Variants in STPG2 observed in about 807,000 individuals in gnomAD.
STPG2 encodes the protein sperm tail PG-rich repeat containing 2.
Under a neutral mutation model 54.2 loss-of-function variants are expected in STPG2, and 56 were observed. That is an observed-to-expected ratio of 1.03 (90% CI 0.83 to 1.29). STPG2 has a LOEUF of 1.29. Among genes scored for constraint, STPG2 ranks in the 50% most tolerant of loss-of-function variants. The pLI is 0.00. For missense variants in STPG2, 596 were observed against 544.9 expected (o/e 1.09, Z -0.93); for synonymous variants, 200 against 181.8 (o/e 1.10, Z -0.81).
At chr4:97,924,784 T>C (rs966251370) in intron 8 of STPG2, among the ~76,000 whole-genome samples, 1 of 152,222 alleles carries the variant, frequency 6.6e-6, no homozygotes, top group Non-Finnish European at 1.5e-5. Context: ...AGATAAGTCA[T>C]GTTTGCATCA....
At chr4:97,741,092 G>C (rs1725214313) in intron 9 of STPG2, among the ~76,000 whole-genome samples, 1 of 152,106 alleles carries the variant, frequency 6.6e-6, no homozygotes, top group Admixed American at 6.5e-5. Flanking sequence ...TGACAAACCT[G>C]AGAAAAATAT....
chr4:97,500,027 C>T (rs1024669837), intron 4 of STPG2, among the ~76,000 whole-genome samples: 1 of 151,812 alleles, frequency 6.6e-6, no homozygotes, highest in Non-Finnish European at 1.5e-5. Context: ...CTTGATCTAA[C>T]ATATTTTAAT....
intron 4 of STPG2, among the ~76,000 whole-genome samples, chr4:97,533,949 T>C (rs994841149): frequency 1.1e-4 from 16 of 152,044 alleles, no homozygotes; most frequent in African/African-American, 3.9e-4. Flanking sequence ...TTAGGTTATA[T>C]AATAAGTATT....
Position 98,088,902 on chromosome 4 carries a change from C to T in STPG2, c.612+17051G>A, listed in dbSNP as rs533315073. Among the ~76,000 whole-genome samples, 6 of 152,220 alleles carry T rather than the reference C, an allele frequency of 3.9e-5. No homozygotes were observed. The South Asian group carries it at 1.0e-3, about 26-fold the overall frequency. On this transcript the variant is annotated intron_variant, in intron 5 of 10. Transcript: ENST00000295268. ...GCTTTGCTAAAGTAACCAATAATAT[C>T]GAACTTCTGCAAAGTTCATTGGATG...
intron 10 of STPG2, among the ~76,000 whole-genome samples, chr4:97,707,107 C>A (rs1434745511): frequency 6.6e-6 from 1 of 152,006 alleles, no homozygotes; most frequent in Non-Finnish European, 1.5e-5. Flanking sequence ...AAGTAGGAGG[C>A]AAGACAGTTC....
chr4:97,801,948 T>C (rs754090156), intron 9 of STPG2, among the ~76,000 whole-genome samples: 6 of 152,180 alleles, frequency 3.9e-5, no homozygotes, highest in African/African-American at 1.4e-4. Flanking sequence ...TAAGCTTTAG[T>C]TCAGTGTTTC....
intron 4 of STPG2, among the ~76,000 whole-genome samples, chr4:97,496,740 G>A (rs892363043): frequency 1.3e-5 from 2 of 151,738 alleles, no homozygotes; most frequent in African/African-American, 4.8e-5. Context: ...CCGGCAGTGT[G>A]TGAATCATTT....
At chr4:97,735,624 T>A (rs1008147248) in intron 9 of STPG2, among the ~76,000 whole-genome samples, 1 of 148,996 alleles carries the variant, frequency 6.7e-6, no homozygotes, top group African/African-American at 2.4e-5. Context: ...TATATTCATA[T>A]ATATATACAC....
intron 7 of STPG2, among the ~76,000 whole-genome samples, chr4:97,968,822 T>A (rs902048377): frequency 2.0e-5 from 3 of 152,232 alleles, no homozygotes; most frequent in Admixed American, 1.3e-4. Context: ...CAAAATTGCA[T>A]GCAGGATTGT....
intron 9 of STPG2, among the ~76,000 whole-genome samples, chr4:97,743,925 A>G (rs995185999): frequency 2.0e-5 from 3 of 151,618 alleles, no homozygotes; most frequent in African/African-American, 7.2e-5. Flanking sequence ...AAGTTCTTAC[A>G]TAGCAAAGCA....
intron 8 of STPG2, 44 bp downstream of exon 8, chr4:97,943,853 G>C (rs1733095157): frequency 7.1e-7 from 1 of 1,401,352 alleles, no homozygotes; most frequent in Admixed American, 2.5e-5. Context: ...CCTCCTCCAT[G>C]ATTTCTAGAT....
intron 4 of STPG2, among the ~76,000 whole-genome samples, chr4:97,445,749 A>T (rs1729205766): frequency 6.6e-6 from 1 of 152,204 alleles, no homozygotes; most frequent in African/African-American, 2.4e-5. Flanking sequence ...TACTCTAATA[A>T]GCAGGTTAAT....
intron 9 of STPG2, among the ~76,000 whole-genome samples, chr4:97,756,792 C>A (rs1725745415): frequency 6.6e-6 from 1 of 151,724 alleles, no homozygotes; most frequent in Admixed American, 6.6e-5. Context: ...AAAAAAAAAA[C>A]TGATTGCAGG....
chr4:97,800,270 A>T (rs1727342892), intron 9 of STPG2, among the ~76,000 whole-genome samples: 1 of 151,956 alleles, frequency 6.6e-6, no homozygotes, highest in African/African-American at 2.4e-5. Flanking sequence ...GATTTTTAGA[A>T]TTTTCAGTTT....
intron 10 of STPG2, among the ~76,000 whole-genome samples, chr4:97,620,562 C>T (rs569683235): frequency 1.3e-5 from 2 of 152,162 alleles, no homozygotes; most frequent in African/African-American, 2.4e-5. Flanking sequence ...CAACACATAT[C>T]GGTAAAGAGT....
chr4:97,602,614 A>T (rs1733493810), intron 10 of STPG2, among the ~76,000 whole-genome samples: 1 of 151,722 alleles, frequency 6.6e-6, no homozygotes, highest in Admixed American at 6.6e-5. Flanking sequence ...CTGATTTCCT[A>T]GGAATTTTTA....
chr4:97,860,240 A>G (rs1474859261), intron 8 of STPG2, among the ~76,000 whole-genome samples: 1 of 152,002 alleles, frequency 6.6e-6, no homozygotes, highest in African/African-American at 2.4e-5. Context: ...GAATTTTAGA[A>G]TTGTATTTTC....
chr4:97,542,980 G>A (rs1216105034), intron 4 of STPG2, among the ~76,000 whole-genome samples: 1 of 152,038 alleles, frequency 6.6e-6, no homozygotes, highest in Admixed American at 6.6e-5. Flanking sequence ...GTTGTGGGGT[G>A]GGGAGAAGGG....
chr4:97,990,934 G>C (rs1734981644), intron 5 of STPG2, among the ~76,000 whole-genome samples: 1 of 151,908 alleles, frequency 6.6e-6, no homozygotes, highest in South Asian at 2.1e-4. Context: ...TCTTCCAATA[G>C]GTTTTTGGGA....
Sources: gnomAD v4.1 joint callset for allele counts (sites outside exome capture counted in the v4.1 genomes callset) on GRCh38, gnomAD v4.1.1 for gene constraint, MANE v1.5 for transcripts, NCBI Gene and HGNC (gene_info 2026-07-23, HGNC 2026-07-21) for gene names.